The following PANX2 variants were observed in gnomAD, a reference collection of about 807,000 sequenced individuals.
PANX2 encodes the protein pannexin 2.
PANX2 carries 30 observed loss-of-function variants against 38.7 expected under a neutral mutation model. That is an observed-to-expected ratio of 0.78 (90% CI 0.58 to 1.05). The LOEUF (loss-of-function observed/expected upper bound fraction) is 1.05, where lower values mean the gene tolerates loss of function less well. Among genes scored for constraint, PANX2 ranks in the 50% least tolerant of loss-of-function variants. PANX2 has a pLI of 0.00. For synonymous variants in PANX2, 539 were observed against 472.1 expected, an observed-to-expected ratio of 1.14 and a Z score of -1.84; for missense variants, 880 against 979.3, an observed-to-expected ratio of 0.90 and a Z score of 1.35.
At chr22:50,171,564 G>A (rs1049030108) in intron 1 of PANX2, among the ~76,000 whole-genome samples, 2 of 152,202 alleles carry the variant, frequency 1.3e-5, no homozygotes, top group African/African-American at 4.8e-5. Context: ...CTCCTGCAGG[G>A]AGATGGGGGC....
intron 1 of PANX2, among the ~76,000 whole-genome samples, chr22:50,171,547 C>G (rs1379955387): frequency 2.6e-5 from 4 of 152,142 alleles, no homozygotes; most frequent in Admixed American, 6.5e-5. Flanking sequence ...GAGCAGGGAG[C>G]CTGGAGCTCC....
rs1445148855 is a variant in PANX2 at position 50,179,579 on chromosome 22, G to A, written c.*302G>A. 2.3e-6 allele frequency: 1 copy of A among 427,108 alleles called. No individual in the cohort carries two copies. The highest frequency in any genetic ancestry group is 4.2e-6 in the Non-Finnish European group (1 of 236,800). 26.5% of individuals were successfully genotyped at this position (427,108 alleles called of 1,614,324 possible). ...ATCAGGTGCCCAGCCGTGGGTGGGG[G>A]CCCTGAGGTGAAGAGTTTATTTTTT... On this transcript the variant is annotated 3_prime_UTR_variant, in exon 3 of 3. Coordinates refer to ENST00000395842, the MANE Select transcript of PANX2 (RefSeq NM_052839.4).
In PANX2 at chr22:50,179,068, G is replaced by A; in HGVS notation, c.1825G>A (p.Gly609Ser). 1.2e-6 allele frequency: 2 copies of A among 1,611,160 alleles called. No individual in the cohort carries two copies. Among genetic ancestry groups the A allele is most frequent in the African/African-American group, 1.3e-5 (1 of 74,990 alleles). The stretch of plus-strand genomic sequence containing the variant: ...GGCCCCTCTGACACCAGCCAGCCTG[G>A]GCAAGGCGGAGCCCCTCACCATCCT... ...AVAPLTPASLGKAEPLTILSR... is the reference protein window; with the variant it reads ...AVAPLTPASLSKAEPLTILSR... Residue 609 changes from glycine to serine, a missense_variant, in exon 3 of 3, where the codon GGC becomes AGC. Physicochemically the swap from Gly to Ser is moderately conservative, Grantham distance 56. Coordinates refer to ENST00000395842, the MANE Select transcript of PANX2 (RefSeq NM_052839.4).
At position 50,179,007 on chromosome 22, in the gene PANX2, G is replaced by T; in HGVS notation, c.1764G>T (p.Pro588=). The T allele has an allele frequency of 6.2e-7, 1 of 1,610,104 alleles. No individual in the cohort carries two copies. The highest frequency in any genetic ancestry group is 8.5e-7 in the Non-Finnish European group (1 of 1,178,552). ...PARAGLPSGG[P]FHVRSPPAAP... is the part of the protein sequence containing the mutation. ...GGGCAGGGCTTCCCTCGGGGGGCCC[G>T]TTCCACGTCCGCTCACCTCCCGCCG... is the stretch of plus-strand genomic sequence containing the variant. The change falls in exon 3 of 3, where the codon CCG becomes CCT. Residue 588 remains proline, a synonymous_variant. Transcript: ENST00000395842.
rs932536385 is a variant in PANX2 at position 50,177,899 on chromosome 22, C to A, written c.1187C>A (p.Thr396Lys). The A allele has an allele frequency of 2.6e-6, 4 of 1,531,488 alleles. No homozygotes were observed. Among genetic ancestry groups the A allele is most frequent in the Non-Finnish European group, 3.5e-6 (4 of 1,142,496 alleles). 94.9% of individuals were successfully genotyped at this position (1,531,488 alleles called of 1,614,324 possible). A position where few individuals can be genotyped will look rare whatever the true frequency, so the allele number is the denominator to read the frequency against. Residue 396 changes from threonine to lysine, a missense_variant, in exon 2 of 3, where the codon ACG becomes AAG. Physicochemically the swap from Thr to Lys is moderately conservative, Grantham distance 78 (BLOSUM62 -1). This residue lies in a region of PANX2 where 78 missense variants were observed against 133.1 expected (regional missense o/e 0.59). Coordinates refer to ENST00000395842, the MANE Select transcript of PANX2 (RefSeq NM_052839.4). ...LAQSNHDATP[T>K]VRDSGVQTVD... ...CAGTCCAACCACGACGCCACCCCCA[C>A]GGTGCGCGACTCGGGGGTGCAGACC...
Position 50,178,393 on chromosome 22 carries a change from C to G in PANX2, c.1681C>G (p.Pro561Ala). 1 of 1,422,614 alleles carries G rather than the reference C, an allele frequency of 7.0e-7. No homozygotes were observed. Among genetic ancestry groups the G allele is most frequent in the Non-Finnish European group, 9.1e-7 (1 of 1,095,196 alleles). 88.1% of individuals were successfully genotyped at this position (1,422,614 alleles called of 1,614,324 possible). A position where few individuals can be genotyped will look rare whatever the true frequency, so the allele number is the denominator to read the frequency against. The change falls in exon 2 of 3, where the codon CCC (proline) becomes GCC (alanine). Residue 561 changes from proline (P) to alanine (A), a missense_variant. By Grantham distance (27) the Pro-to-Ala change is conservative. Around this residue, in one of 4 missense-constraint regions of PANX2, gnomAD observed 445 missense variants for 404.3 expected, o/e 1.10. Transcript: ENST00000395842. ...CTGTGGGCTAGGCCTGGCCCCGGCG[C>G]CCATCAAAGGTAGGGGCAGGGCCGG... ...EDCGLGLAPAPIKDAPLPEKE... is the reference protein window; with the variant it reads ...EDCGLGLAPAAIKDAPLPEKE...
At chr22:50,175,457 G>A in intron 1 of PANX2, 1 of 1,300,458 alleles carries the variant, frequency 7.7e-7, no homozygotes, top group Non-Finnish European at 1.0e-6. Context: ...CTGGCTCCTG[G>A]GATTGGCTGT....
chr22:50,178,281 C>A lies in PANX2; in HGVS notation c.1569C>A (p.Gly523=). ...FSLDVHPYIL[G]TKKAKAEAVP... is the part of the protein sequence containing the mutation. The stretch of plus-strand genomic sequence containing the variant: ...TGGACGTGCACCCCTACATCCTCGG[C>A]ACCAAGAAGGCCAAGGCCGAGGCGG... The change falls in exon 2 of 3, where the codon GGC becomes GGA. Residue 523 remains glycine (G), a synonymous_variant. Coordinates refer to ENST00000395842, the MANE Select transcript of PANX2 (RefSeq NM_052839.4). 2 of 1,533,162 alleles carry A rather than the reference C, an allele frequency of 1.3e-6. No individual in the cohort carries two copies. The highest frequency in any genetic ancestry group is 1.7e-6 in the Non-Finnish European group (2 of 1,145,926). The allele number at this position is 1,533,162 out of a possible 1,614,324, so 95.0% of individuals were successfully genotyped here.
rs574635610 is a variant in PANX2 at position 50,179,404 on chromosome 22, C to T, written c.*127C>T. Reference sequence around the variant, plus strand: ...TCGCCCGCACTGCGCGCATCCCCAACCTCTGTCCGCATGCCTGGGGCCTTC... The same window carrying T: ...TCGCCCGCACTGCGCGCATCCCCAATCTCTGTCCGCATGCCTGGGGCCTTC... On this transcript the variant is annotated 3_prime_UTR_variant, in exon 3 of 3. Coordinates refer to ENST00000395842, the MANE Select transcript of PANX2 (RefSeq NM_052839.4). 6 of 835,266 alleles carry T rather than the reference C, an allele frequency of 7.2e-6. No individual in the cohort carries two copies. Among genetic ancestry groups the T allele is most frequent in the South Asian group, 1.7e-5 (1 of 58,622 alleles). The allele number at this position is 835,266 out of a possible 1,614,324, so 51.7% of individuals were successfully genotyped here.
At position 50,180,198 on chromosome 22, in the gene PANX2, G is replaced by A. The variant is rs1386402104; in HGVS notation, c.*921G>A. ...CCTGTGGGAGCCCCGGCCGGCACCC[G>A]GCTGGTCCCACCCCAAATACCTCAG... On this transcript the variant is annotated 3_prime_UTR_variant, in exon 3 of 3. Transcript: ENST00000395842. The A allele has an allele frequency of 3.3e-5, 5 of 152,394 alleles. No individual in the cohort carries two copies. The highest frequency in any genetic ancestry group is 1.9e-4 in the East Asian group (1 of 5,178). 9.4% of individuals were successfully genotyped at this position (152,394 alleles called of 1,614,324 possible). A position where few individuals can be genotyped will look rare whatever the true frequency, so the allele number is the denominator to read the frequency against.
chr22:50,178,828 C>A, intron 2 of PANX2, 106 bp from the exon 3 acceptor site: 1 of 1,014,422 alleles, frequency 9.9e-7, no homozygotes, highest in Non-Finnish European at 1.4e-6. Flanking sequence ...CTCCAGGGCG[C>A]TTCAGAGCCG....
chr22:50,173,376 C>T (rs1345661742), intron 1 of PANX2, among the ~76,000 whole-genome samples: 2 of 152,264 alleles, frequency 1.3e-5, no homozygotes, highest in Non-Finnish European at 2.9e-5. Context: ...CGCTCTGCCC[C>T]CGAGCACCCT....
At chr22:50,173,120 TCTC>T (rs951363972) in intron 1 of PANX2, among the ~76,000 whole-genome samples, 42 of 151,474 alleles carry the variant, frequency 2.8e-4, no homozygotes, top group Non-Finnish European at 3.8e-4. Context: ...ATGGTCTCGA[TCTC>T]CTGACCTCGT....
chr22:50,174,693 G>C (rs1258230943), intron 1 of PANX2, among the ~76,000 whole-genome samples: 1 of 152,230 alleles, frequency 6.6e-6, no homozygotes, highest in Admixed American at 6.5e-5. Flanking sequence ...GCCCAGGCAG[G>C]GTCCCACTGT....
Position 50,179,733 on chromosome 22 carries a change from G to A in PANX2, c.*456G>A, listed in dbSNP as rs2063688793. On this transcript the variant is annotated 3_prime_UTR_variant, in exon 3 of 3. Transcript: ENST00000395842. ...ACCAGTGGGGTGGCCACGCCCATGG[G>A]GTCACATGCTCAGGGGTCACCCCCT... 5.7e-6 allele frequency: 1 copy of A among 175,728 alleles called. No individual in the cohort carries two copies. The highest frequency in any genetic ancestry group is 2.4e-5 in the African/African-American group (1 of 41,748). The allele number at this position is 175,728 out of a possible 1,614,324, so 10.9% of individuals were successfully genotyped here.
chr22:50,172,394 C>CTT (rs1012471532), intron 1 of PANX2, among the ~76,000 whole-genome samples: 48 of 152,370 alleles, frequency 3.2e-4, no homozygotes, highest in African/African-American at 1.1e-3. Flanking sequence ...GTCTCTGCCT[C>CTT]TGTCTTCTCA....
At chr22:50,178,856 C>A in intron 2 of PANX2, 78 bp from the exon 3 acceptor site, 3 of 1,310,784 alleles carry the variant, frequency 2.3e-6, no homozygotes, top group Non-Finnish European at 3.1e-6. Flanking sequence ...TGCTCCCCCG[C>A]CAGCCTGCAC....
chr22:50,174,165 G>A (rs938795341), intron 1 of PANX2, among the ~76,000 whole-genome samples: 13 of 152,196 alleles, frequency 8.5e-5, no homozygotes, highest in African/African-American at 3.1e-4. Context: ...GCTGCGCAGA[G>A]CCAGGGGTGT....
Position 50,179,133 on chromosome 22 carries a change from G to A in PANX2, c.1890G>A (p.Thr630=), listed in dbSNP as rs759566493. The part of the protein sequence containing the change: ...NATHPLLHIN[T]LYEAREEEDG... ...CACACCCGCTGCTGCACATCAACAC[G>A]CTGTACGAGGCCCGGGAGGAGGAGG... The change falls in exon 3 of 3, where the codon ACG becomes ACA. Residue 630 remains threonine (T), a synonymous_variant. Transcript: ENST00000395842. 4 of 1,612,136 alleles carry A rather than the reference G, an allele frequency of 2.5e-6. No individual in the cohort carries two copies. The highest frequency in any genetic ancestry group is 1.1e-5 in the South Asian group (1 of 90,986).
Sources: allele counts gnomAD v4.1 joint callset (sites outside exome capture counted in the v4.1 genomes callset), GRCh38; gene constraint gnomAD v4.1.1; regional missense constraint gnomAD v4.1.1; transcripts MANE v1.5; gene names NCBI Gene and HGNC (gene_info 2026-07-23, HGNC 2026-07-21).